Variants in RNF150 observed in about 807,000 individuals in gnomAD.
The protein encoded by RNF150 is ring finger protein 150.
Under a neutral mutation model 39.3 loss-of-function variants are expected in RNF150, and 24 were observed. The observed-to-expected ratio is 0.61, with a 90% CI of 0.44 to 0.86. The LOEUF is 0.86. Ranked by LOEUF, RNF150 falls within the 40% of genes least tolerant of loss-of-function variation. The pLI is 0.00. For synonymous variants in RNF150, 255 were observed against 227.3 expected (o/e 1.12, Z -1.10); for missense variants, 502 against 587.8 (o/e 0.85, Z 1.51).
chr4:141,035,850 C>A (rs1736121223), intron 1 of RNF150, among the ~76,000 whole-genome samples: 1 of 152,142 alleles, frequency 6.6e-6, no homozygotes, highest in Non-Finnish European at 1.5e-5. Context: ...ATGTAAAACA[C>A]CATCCTAAAC....
intron 1 of RNF150, among the ~76,000 whole-genome samples, chr4:141,160,299 G>A (rs187041846): frequency 6.6e-6 from 1 of 152,228 alleles, no homozygotes; most frequent in African/African-American, 2.4e-5. Context: ...TGGAAAGGAA[G>A]TCTGTAGGAA....
chr4:140,911,938 A>G (rs62345038), intron 5 of RNF150, among the ~76,000 whole-genome samples: 3,599 of 152,290 alleles, frequency 0.024, 48 homozygotes, highest in East Asian at 0.038. Context: ...AATATCCCTA[A>G]GTCCTTAATA....
chr4:141,164,581 G>A (rs2217809), intron 1 of RNF150, among the ~76,000 whole-genome samples: 1,873 of 152,230 alleles, frequency 0.012, 40 homozygotes, highest in African/African-American at 0.042. Flanking sequence ...ACAAAAGGAA[G>A]CCCATCAGAC....
chr4:141,208,518 A>AT (rs1728413086), intron 1 of RNF150, among the ~76,000 whole-genome samples: 1 of 152,240 alleles, frequency 6.6e-6, no homozygotes, highest in South Asian at 2.1e-4. Context: ...CTGTCAGGAT[A>AT]TTTTTTCTGT....
At chr4:141,172,027 A>G (rs1461898354) in intron 1 of RNF150, among the ~76,000 whole-genome samples, 1 of 152,198 alleles carries the variant, frequency 6.6e-6, no homozygotes, top group African/African-American at 2.4e-5. Context: ...CATAAGATCA[A>G]TGTTTTCATT....
Position 141,132,665 on chromosome 4 carries a change from G to A in RNF150, c.144C>T (p.Tyr48=), listed in dbSNP as rs112581670. 4.4e-5 allele frequency: 70 copies of A among 1,606,706 alleles called. No homozygotes were observed. The African/African-American group carries it at 8.1e-4, about 19-fold the overall frequency. The change falls in exon 1 of 7, where the codon TAC becomes TAT. Residue 48 remains tyrosine (Y), a synonymous_variant. Coordinates refer to ENST00000515673, the MANE Select transcript of RNF150 (RefSeq NM_020724.2). The surrounding 1 kb of genome is among the most constrained non-coding windows in gnomAD (Gnocchi z 4.9). ...EWYTAFVNIT[Y]AEPAPDPGAG... ...CCCCGGGGTCCGGCGCGGGCTCGGCGTAGGTGATGTTCACGAAGGCGGTGT... is the reference window on the plus strand; with the variant it reads ...CCCCGGGGTCCGGCGCGGGCTCGGCATAGGTGATGTTCACGAAGGCGGTGT...
chr4:140,929,620 C>T lies in RNF150; in HGVS notation c.891-3547G>A, dbSNP rs1288489169. 3.3e-5 allele frequency among the ~76,000 whole-genome samples: 5 copies of T among 152,150 alleles called. No homozygotes were observed. The East Asian group carries it at 7.7e-4, about 24-fold the overall frequency. ...TGAACTCGTGATCCACTTGCCTCGG[C>T]CTCCCAAAGTAATGGGATTACAGGC... On this transcript the variant is annotated intron_variant, in intron 4 of 6. Coordinates refer to ENST00000515673, the MANE Select transcript of RNF150 (RefSeq NM_020724.2).
chr4:141,126,555 GA>G (rs1236363970), intron 1 of RNF150, among the ~76,000 whole-genome samples: 9 of 152,116 alleles, frequency 5.9e-5, no homozygotes, highest in African/African-American at 2.2e-4. Context: ...GTTGAGGTAG[GA>G]ATTATAAATG....
intron 1 of RNF150, among the ~76,000 whole-genome samples, chr4:140,968,783 G>A (rs1381179765): frequency 6.6e-6 from 1 of 151,598 alleles, no homozygotes; most frequent in Admixed American, 6.6e-5. Flanking sequence ...CTCTTGGTGA[G>A]GAGTTCTGGG....
intron 1 of RNF150, among the ~76,000 whole-genome samples, chr4:140,980,861 C>A (rs182734449): frequency 9.3e-4 from 141 of 152,246 alleles, no homozygotes; most frequent in African/African-American, 3.2e-3. Flanking sequence ...CTAATACATA[C>A]CTCTTCTCAA....
chr4:140,880,306 T>A (rs1354234181), intron 6 of RNF150, among the ~76,000 whole-genome samples: 1 of 152,052 alleles, frequency 6.6e-6, no homozygotes, highest in Non-Finnish European at 1.5e-5. Context: ...ACTGACTGAT[T>A]TTTTTTTGTA....
chr4:141,173,480 A>G (rs1468733151), intron 1 of RNF150, among the ~76,000 whole-genome samples: 1 of 152,230 alleles, frequency 6.6e-6, no homozygotes, highest in African/African-American at 2.4e-5. Flanking sequence ...TCCATTTGAC[A>G]GAAGATGAAA....
intron 1 of RNF150, among the ~76,000 whole-genome samples, chr4:141,202,448 A>G (rs934037369): frequency 1.3e-5 from 2 of 152,114 alleles, no homozygotes; most frequent in Non-Finnish European, 2.9e-5. Flanking sequence ...TATTTTGTTA[A>G]TTGGTATATT....
chr4:141,073,421 G>A (rs1231118514), intron 1 of RNF150, among the ~76,000 whole-genome samples: 1 of 152,108 alleles, frequency 6.6e-6, no homozygotes, highest in East Asian at 1.9e-4. Context: ...TCTGCTTTCT[G>A]AGATCCCTGT....
chr4:141,135,452 A>G (rs1727015423), upstream of RNF150, among the ~76,000 whole-genome samples: 3 of 152,242 alleles, frequency 2.0e-5, no homozygotes, highest in Admixed American at 6.5e-5. Flanking sequence ...TCAAAAAGAC[A>G]GAAGAGCCAG....
chr4:140,938,848 A>G (rs1289192452), intron 4 of RNF150, among the ~76,000 whole-genome samples: 1 of 152,188 alleles, frequency 6.6e-6, no homozygotes, highest in Non-Finnish European at 1.5e-5. Flanking sequence ...TATAGTACTT[A>G]AAGAGTCAAT....
intron 6 of RNF150, among the ~76,000 whole-genome samples, chr4:140,885,442 T>C (rs928943195): frequency 2.1e-5 from 3 of 144,006 alleles, no homozygotes; most frequent in African/African-American, 7.6e-5. Flanking sequence ...TATCTTTTTT[T>C]TTTTTTTTTT....
At chr4:140,988,697 T>G (rs1283297900) in intron 1 of RNF150, among the ~76,000 whole-genome samples, 1 of 133,494 alleles carries the variant, frequency 7.5e-6, no homozygotes, top group Non-Finnish European at 1.5e-5. Context: ...TAAAGGCACA[T>G]GCACATGTAT....
chr4:140,999,985 A>AGAAGAAGAAGAAGAAGAAAAGAAG lies in RNF150; in HGVS notation c.485-32113_485-32112insCTTCTTTTCTTCTTCTTCTTCTTC, dbSNP rs374509935. ...GAAGAAGAAGAAGAAGAAAAGAAGA[A>AGAAGAAGAAGAAGAAGAAAAGAAG]AAGAAGAAAAGAAGAAGAAGAAGAA... On this transcript the variant is annotated intron_variant, in intron 1 of 6. Transcript: ENST00000515673. Among the ~76,000 whole-genome samples the AGAAGAAGAAGAAGAAGAAAAGAAG allele has an allele frequency of 5.1e-5, 2 of 38,952 alleles. 1 individual carries two copies. Among genetic ancestry groups the AGAAGAAGAAGAAGAAGAAAAGAAG allele is most frequent in the Admixed American group, 7.7e-4 (2 of 2,600 alleles). 25.6% of individuals were successfully genotyped at this position (38,952 alleles called of 152,430 possible).
Sources: allele counts gnomAD v4.1 joint callset (sites outside exome capture counted in the v4.1 genomes callset), GRCh38; gene constraint gnomAD v4.1.1; non-coding constraint Gnocchi (gnomAD v3.1); transcripts MANE v1.5; gene names NCBI Gene and HGNC (gene_info 2026-07-23, HGNC 2026-07-21).